The following CREM variants were observed in gnomAD, a reference collection of about 807,000 sequenced individuals.
CREM encodes cAMP responsive element modulator.
CREM carries 13 observed loss-of-function variants against 37.3 expected under a neutral mutation model. That is an observed-to-expected ratio of 0.35 (90% CI 0.23 to 0.55). The LOEUF (loss-of-function observed/expected upper bound fraction) is 0.55, where lower values mean the gene tolerates loss of function less well. Ranked by LOEUF, CREM falls within the 20% of genes least tolerant of loss-of-function variation. The pLI is 0.88. For missense variants in CREM, 296 were observed against 362.3 expected, an observed-to-expected ratio of 0.82 and a Z score of 1.49; for synonymous variants, 124 against 120.2, an observed-to-expected ratio of 1.03 and a Z score of -0.21.
chr10:35,211,142 T>C, intron 7 of CREM, 112 bp from the exon 8 acceptor site: 1 of 1,151,236 alleles, frequency 8.7e-7, no homozygotes, highest in Non-Finnish European at 1.2e-6. Context: ...CTTTGTACAG[T>C]CCTTACCTAG....
intron 1 of CREM, among the ~76,000 whole-genome samples, chr10:35,128,076 C>T (rs1477166416): frequency 5.3e-5 from 8 of 152,142 alleles, no homozygotes; most frequent in Admixed American, 2.6e-4. Context: ...AACTCCTGAC[C>T]TTCCACCCAC....
intron 3 of CREM, among the ~76,000 whole-genome samples, chr10:35,157,980 C>CT: frequency 6.6e-6 from 1 of 152,070 alleles, no homozygotes; most frequent in Non-Finnish European, 1.5e-5. Flanking sequence ...CAAGAAAACT[C>CT]TATTTACAAT....
intron 3 of CREM, among the ~76,000 whole-genome samples, chr10:35,151,477 A>G (rs1303902217): frequency 5.3e-5 from 8 of 152,076 alleles, no homozygotes; most frequent in East Asian, 1.9e-4. Context: ...CCGGGTTCCA[A>G]TGATTATTAT....
chr10:35,195,137 T>C (rs2095097139), intron 6 of CREM: 2 of 1,603,448 alleles, frequency 1.2e-6, no homozygotes, highest in East Asian at 2.3e-5. Context: ...TGGAACACTT[T>C]ATGTTGAACT....
intron 6 of CREM, among the ~76,000 whole-genome samples, chr10:35,198,726 A>T (rs573297384): frequency 6.6e-6 from 1 of 152,210 alleles, no homozygotes; most frequent in African/African-American, 2.4e-5. Context: ...ATTGTTTAAA[A>T]CAAACTTTCC....
intron 3 of CREM, among the ~76,000 whole-genome samples, chr10:35,171,802 C>T (rs1350524834): frequency 6.6e-6 from 1 of 152,232 alleles, no homozygotes; most frequent in African/African-American, 2.4e-5. Flanking sequence ...CCACTGGGAT[C>T]TGACAAGCTT....
intron 7 of CREM, chr10:35,210,269 A>T (rs1005291929): frequency 1.3e-5 from 2 of 152,154 alleles, no homozygotes; most frequent in African/African-American, 4.8e-5. Context: ...AAATGAGGCC[A>T]ATTAAAGGGT....
intron 2 of CREM, among the ~76,000 whole-genome samples, chr10:35,146,940 T>C (rs1436969659): frequency 6.6e-6 from 1 of 152,086 alleles, no homozygotes; most frequent in Admixed American, 6.6e-5. Context: ...GTCTATATAC[T>C]TTTTGGATGT....
chr10:35,148,163 T>TG lies in CREM; in HGVS notation c.45-204dup, dbSNP rs1270250117. Reference sequence around the variant, plus strand: ...AGGTAATTTTATACAATATTTTTAATGATTTTGTACAGGATACAAAGTTTT... The same window carrying TG: ...AGGTAATTTTATACAATATTTTTAATGGATTTTGTACAGGATACAAAGTTTT... On this transcript the variant is annotated intron_variant, in intron 2 of 7. Transcript: ENST00000685392. Among the ~76,000 whole-genome samples, 3 of 152,360 alleles carry TG rather than the reference T, an allele frequency of 2.0e-5. No homozygotes were observed. The East Asian group carries it at 5.8e-4, about 29-fold the overall frequency.
intron 3 of CREM, among the ~76,000 whole-genome samples, chr10:35,165,199 C>G (rs2093489772): frequency 6.6e-6 from 1 of 152,036 alleles, no homozygotes; most frequent in Non-Finnish European, 1.5e-5. Context: ...AGGGAAGCCT[C>G]CAGAAGCTTC....
chr10:35,134,591 G>A (rs73260852), intron 1 of CREM, among the ~76,000 whole-genome samples: 4,608 of 152,190 alleles, frequency 0.03, 233 homozygotes, highest in African/African-American at 0.11. Flanking sequence ...TATATTATAT[G>A]AGCATTTTCC....
At chr10:35,172,314 G>A (rs1253272616) in intron 3 of CREM, among the ~76,000 whole-genome samples, 1 of 152,186 alleles carries the variant, frequency 6.6e-6, no homozygotes, top group Non-Finnish European at 1.5e-5. Context: ...CTAGATTAGT[G>A]TGGAATAGCT....
chr10:35,167,642 TGCAA>T, intron 3 of CREM: 1 of 1,410,772 alleles, frequency 7.1e-7, no homozygotes, highest in African/African-American at 1.4e-5. Context: ...TTTTTTTAAT[TGCAA>T]AGCCAAATAA....
Position 35,188,243 on chromosome 10 carries a change from A to G in CREM, c.453A>G (p.Gly151=). The part of the protein sequence containing the change: ...QGGTIQISNP[G]SDGVQGLQAL... ...GAACAATCCAGATTTCTAACCCAGG[A>G]TCTGATGGTGTTCAGGGACTGCAGG... The change falls in exon 6 of 8, where the codon GGA becomes GGG. Residue 151 remains glycine, a synonymous_variant. Coordinates refer to ENST00000685392, the MANE Select transcript of CREM (RefSeq NM_183011.2). 1 of 1,614,152 alleles carries G rather than the reference A, an allele frequency of 6.2e-7. No individual in the cohort carries two copies. The highest frequency in any genetic ancestry group is 8.5e-7 in the Non-Finnish European group (1 of 1,180,018).
intron 6 of CREM, among the ~76,000 whole-genome samples, chr10:35,204,531 A>G (rs184828737): frequency 2.7e-5 from 4 of 150,710 alleles, no homozygotes; most frequent in Admixed American, 2.7e-4. Context: ...ACCAGGGAGT[A>G]GAAGGTTGCA....
chr10:35,148,521 CA>C, intron 3 of CREM, 30 bp downstream of exon 3: 1 of 1,592,404 alleles, frequency 6.3e-7, no homozygotes, highest in Middle Eastern at 1.7e-4. Flanking sequence ...CGTTGAAAGT[CA>C]AAATATATGG....
intron 3 of CREM, among the ~76,000 whole-genome samples, chr10:35,173,321 C>G (rs1014158862): frequency 1.3e-5 from 2 of 152,150 alleles, no homozygotes; most frequent in African/African-American, 2.4e-5. Context: ...ATATTCCTCC[C>G]TTTTTCTAAC....
At chr10:35,161,971 C>G (rs1399873855) in intron 3 of CREM, among the ~76,000 whole-genome samples, 1 of 152,194 alleles carries the variant, frequency 6.6e-6, no homozygotes, top group African/African-American at 2.4e-5. Context: ...GATATCTGCA[C>G]TTCCATATTT....
chr10:35,147,051 T>G (rs948674070), intron 2 of CREM, among the ~76,000 whole-genome samples: 8 of 71,672 alleles, frequency 1.1e-4, no homozygotes, highest in Non-Finnish European at 2.2e-4. Flanking sequence ...GTTTTTTTTT[T>G]TTTTTTTTTT....
Sources: gnomAD v4.1 joint callset for allele counts (sites outside exome capture counted in the v4.1 genomes callset) on GRCh38, gnomAD v4.1.1 for gene constraint, MANE v1.5 for transcripts, NCBI Gene and HGNC (gene_info 2026-07-23, HGNC 2026-07-21) for gene names.